Variants in KIZ observed in about 807,000 individuals in gnomAD.
KIZ encodes centrosomal protein kizuna.
A neutral mutation model predicts 79.6 loss-of-function variants in KIZ; 68 were observed. That is an observed-to-expected ratio of 0.85 (90% CI 0.70 to 1.05). The LOEUF (loss-of-function observed/expected upper bound fraction) is 1.05, where lower values mean the gene tolerates loss of function less well. Among genes scored for constraint, KIZ ranks in the 50% least tolerant of loss-of-function variants. KIZ has a pLI of 0.00. For synonymous variants in KIZ, 280 were observed against 281.8 expected (o/e 0.99, Z 0.06); for missense variants, 797 against 800.4 (o/e 1.00, Z 0.05).
intron 4 of KIZ, among the ~76,000 whole-genome samples, chr20:21,147,961 T>TGTGTGTGTGTG (rs2032928617): frequency 5.0e-5 from 7 of 141,036 alleles, no homozygotes; most frequent in Admixed American, 1.4e-4. Flanking sequence ...CTCCTGGAAT[T>TGTGTGTGTGTG]TGTGTGTGTG....
intron 9 of KIZ, among the ~76,000 whole-genome samples, chr20:21,224,856 A>G (rs1170096371): frequency 1.3e-5 from 2 of 152,234 alleles, no homozygotes; most frequent in Non-Finnish European, 2.9e-5. Flanking sequence ...ATAAAAGAGA[A>G]AAAAGATAAG....
chr20:21,244,496 A>C, intron 12 of KIZ: 1 of 581,738 alleles, frequency 1.7e-6, no homozygotes, highest in Non-Finnish European at 3.1e-6. Context: ...CATGGACCAC[A>C]GGGGCAGAGC....
rs1377054241 is a variant in KIZ, at chr20:21,126,090, T to G, written c.-26T>G. 6 of 1,503,870 alleles carry G rather than the reference T, an allele frequency of 4.0e-6. No individual in the cohort carries two copies. Among genetic ancestry groups the G allele is most frequent in the Non-Finnish European group, 5.3e-6 (6 of 1,128,126 alleles). The allele number at this position is 1,503,870 out of a possible 1,614,324, so 93.2% of individuals were successfully genotyped here. A position where few individuals can be genotyped will look rare whatever the true frequency, so the allele number is the denominator to read the frequency against. On this transcript the variant is annotated 5_prime_UTR_variant, in exon 1 of 13. Coordinates refer to ENST00000619189, the MANE Select transcript of KIZ (RefSeq NM_018474.6). ...CGGCCGAACGGCCACCCAGAGGCTG[T>G]GCTGAGCTGGCGCAGCGGCAGCAGC...
chr20:21,155,127 A>AGTTACCG (rs1414858556), intron 4 of KIZ, among the ~76,000 whole-genome samples: 1 of 152,208 alleles, frequency 6.6e-6, no homozygotes, highest in African/African-American at 2.4e-5. Context: ...AGTTAAACAT[A>AGTTACCG]TAGTTACCGT....
intron 9 of KIZ, among the ~76,000 whole-genome samples, chr20:21,225,232 T>TTTGA (rs2036621148): frequency 6.6e-6 from 1 of 152,232 alleles, no homozygotes; most frequent in Non-Finnish European, 1.5e-5. Context: ...TTGACGCAGA[T>TTTGA]TTGAGTATAT....
At chr20:21,234,041 A>G (rs2036917646) in intron 11 of KIZ, among the ~76,000 whole-genome samples, 1 of 152,212 alleles carries the variant, frequency 6.6e-6, no homozygotes. Context: ...TAAATTCTAC[A>G]GATAATTTTC....
chr20:21,128,456 T>A (rs1248674247), intron 1 of KIZ, among the ~76,000 whole-genome samples: 1 of 152,000 alleles, frequency 6.6e-6, no homozygotes, highest in African/African-American at 2.4e-5. Flanking sequence ...TTCTGGGAAG[T>A]GGGAGACAAA....
intron 7 of KIZ, 70 bp downstream of exon 7, chr20:21,205,654 TA>T (rs1431105689): frequency 7.1e-5 from 47 of 661,284 alleles, no homozygotes; most frequent in South Asian, 1.2e-4. Flanking sequence ...TAGTAATTTT[TA>T]TTTAAAAAAA....
chr20:21,221,263 G>A (rs1296779775), intron 9 of KIZ, among the ~76,000 whole-genome samples: 2 of 152,178 alleles, frequency 1.3e-5, no homozygotes, highest in African/African-American at 4.8e-5. Context: ...AGATGATGCA[G>A]CTATGCTAAA....
chr20:21,173,559 C>T (rs1225789691), intron 6 of KIZ, among the ~76,000 whole-genome samples: 1 of 121,136 alleles, frequency 8.3e-6, no homozygotes, highest in South Asian at 2.6e-4. Flanking sequence ...GCCTGGGCAA[C>T]AGAGGGAGAT....
intron 6 of KIZ, among the ~76,000 whole-genome samples, chr20:21,192,016 A>C (rs1416815876): frequency 6.6e-6 from 1 of 151,882 alleles, no homozygotes; most frequent in African/African-American, 2.4e-5. Context: ...GCCGGCGGGG[A>C]GGGGTACACT....
At chr20:21,130,122 C>T (rs2031746964) in intron 1 of KIZ, among the ~76,000 whole-genome samples, 1 of 152,168 alleles carries the variant, frequency 6.6e-6, no homozygotes, top group South Asian at 2.1e-4. Flanking sequence ...TCCCCCTGGT[C>T]CAGTGGCTCA....
chr20:21,216,978 T>A (rs1453735632), intron 9 of KIZ, among the ~76,000 whole-genome samples: 3 of 152,188 alleles, frequency 2.0e-5, no homozygotes, highest in Non-Finnish European at 4.4e-5. Flanking sequence ...GGGTTTCAAA[T>A]CCCTTCTCAT....
intron 2 of KIZ, chr20:21,133,278 A>G (rs2031966860): frequency 6.6e-6 from 1 of 152,258 alleles, no homozygotes; most frequent in Non-Finnish European, 1.5e-5. Flanking sequence ...CAGTTGAGGT[A>G]GACAGCCGTA....
At chr20:21,236,275 AT>A (rs1301774288) in intron 11 of KIZ, among the ~76,000 whole-genome samples, 1 of 152,216 alleles carries the variant, frequency 6.6e-6, no homozygotes, top group African/African-American at 2.4e-5. Context: ...AAAACCTAAA[AT>A]TAGTGTTTAC....
At chr20:21,185,621 A>G (rs2034845988) in intron 6 of KIZ, among the ~76,000 whole-genome samples, 1 of 151,264 alleles carries the variant, frequency 6.6e-6, no homozygotes, top group Non-Finnish European at 1.5e-5. Flanking sequence ...TTGTTGCCCA[A>G]CAGGGTCTCG....
At chr20:21,219,896 A>G (rs1242937567) in intron 9 of KIZ, among the ~76,000 whole-genome samples, 2 of 152,144 alleles carry the variant, frequency 1.3e-5, no homozygotes, top group Non-Finnish European at 2.9e-5. Flanking sequence ...TTAGATTTAC[A>G]TAGAAACCCT....
chr20:21,133,374 A>G (rs1034093188), intron 2 of KIZ, among the ~76,000 whole-genome samples: 9 of 152,244 alleles, frequency 5.9e-5, no homozygotes, highest in Non-Finnish European at 1.3e-4. Context: ...TGTGGCCTCA[A>G]GAGTGGGCCC....
chr20:21,161,543 G>A (rs1350148705), intron 4 of KIZ, among the ~76,000 whole-genome samples: 1 of 152,048 alleles, frequency 6.6e-6, no homozygotes, highest in African/African-American at 2.4e-5. Context: ...TGTCAGCCAG[G>A]CTGGTCTCGA....
Sources: allele counts gnomAD v4.1 joint callset (sites outside exome capture counted in the v4.1 genomes callset), GRCh38; gene constraint gnomAD v4.1.1; transcripts MANE v1.5; gene names NCBI Gene and HGNC (gene_info 2026-07-23, HGNC 2026-07-21).